The following PCBP3 variants were observed in gnomAD, a reference collection of about 807,000 sequenced individuals.
PCBP3 encodes poly(rC)-binding protein 3.
In PCBP3, 25 loss-of-function variants were observed where a neutral mutation model predicts 52.7. The observed-to-expected ratio is 0.47, with a 90% CI of 0.35 to 0.66. PCBP3 has a LOEUF of 0.66. Among genes scored for constraint, PCBP3 ranks in the 30% least tolerant of loss-of-function variants. PCBP3 has a pLI of 0.01. For missense variants in PCBP3, 391 were observed against 490.3 expected (o/e 0.80, Z 1.91); for synonymous variants, 162 against 183.0 (o/e 0.89, Z 0.93).
chr21:45,907,997 AG>A (rs1177133879), intron 9 of PCBP3, among the ~76,000 whole-genome samples: 3 of 152,254 alleles, frequency 2.0e-5, no homozygotes, highest in African/African-American at 7.2e-5. Flanking sequence ...TTTTTAAATG[AG>A]AAGTTCATTT....
intron 2 of PCBP3, among the ~76,000 whole-genome samples, chr21:45,689,285 G>T (rs887997490): frequency 2.6e-5 from 4 of 151,978 alleles, no homozygotes; most frequent in African/African-American, 9.7e-5. Flanking sequence ...GGAATGCAAG[G>T]TTGGTTTAAC....
chr21:45,696,079 CAAAAAAAAAAAAAAAA>C (rs71185164), intron 2 of PCBP3, among the ~76,000 whole-genome samples: 1 of 39,638 alleles, frequency 2.5e-5, no homozygotes, highest in Non-Finnish European at 4.6e-5. Flanking sequence ...GACTCTGTCT[CAAAAAAAAAAAAAAAA>C]AAAAAAAAAA....
At chr21:45,922,533 C>T (rs141957322) in intron 13 of PCBP3, among the ~76,000 whole-genome samples, 4,106 of 152,222 alleles carry the variant, frequency 0.027, 86 homozygotes, top group Non-Finnish European at 0.042. Context: ...CCAGCCTGGG[C>T]GACAGAGCAA....
At chr21:45,890,165 G>C (rs2148908723) in intron 5 of PCBP3, among the ~76,000 whole-genome samples, 1 of 152,356 alleles carries the variant, frequency 6.6e-6, no homozygotes, top group Middle Eastern at 3.4e-3. Flanking sequence ...AGGTCATGAG[G>C]CCAGCATGAG....
rs10679763 is a variant in PCBP3 at position 45,826,258 on chromosome 21, CA to C, written c.-125-23688del. Among the ~76,000 whole-genome samples, 930 of 129,736 alleles carry C rather than the reference CA, an allele frequency of 7.2e-3. 5 individuals carry two copies. Among genetic ancestry groups the C allele is most frequent in the African/African-American group, 0.019 (674 of 35,328 alleles). The allele number at this position is 129,736 out of a possible 152,430, so 85.1% of individuals were successfully genotyped here. A position where few individuals can be genotyped will look rare whatever the true frequency, so the allele number is the denominator to read the frequency against. On this transcript the variant is annotated intron_variant, in intron 4 of 17. Transcript: ENST00000681687. ...GGGCAACAAGAGTGAAACTCTGTCT[CA>C]AAAAAAAAAAAAAATTAAATTAAAT...
At position 45,800,398 on chromosome 21, in the gene PCBP3, G is replaced by A. The variant is rs1223109130; in HGVS notation, c.-126+44946G>A. Among the ~76,000 whole-genome samples, 1 of 152,192 alleles carries A rather than the reference G, an allele frequency of 6.6e-6. No homozygotes were observed. Among genetic ancestry groups the A allele is most frequent in the Non-Finnish European group, 1.5e-5 (1 of 68,034 alleles). On this transcript the variant is annotated intron_variant, in intron 4 of 17. Transcript: ENST00000681687. This position sits in a 1 kb window ranked among gnomAD's most constrained non-coding sequence, Gnocchi z 5.3. The stretch of plus-strand genomic sequence containing the variant: ...TGTCGCCTTTGTAGACAAAGGAAGA[G>A]ACCTTGGAACCTGAGGGTAAATGGA...
intron 5 of PCBP3, among the ~76,000 whole-genome samples, chr21:45,860,769 G>T (rs1212616742): frequency 6.6e-6 from 1 of 152,246 alleles, no homozygotes; most frequent in East Asian, 1.9e-4. Context: ...ACGTGATGCA[G>T]CTGTGCCCCT....
At chr21:45,934,411 G>A (rs1437381608) in intron 15 of PCBP3, among the ~76,000 whole-genome samples, 2 of 152,234 alleles carry the variant, frequency 1.3e-5, no homozygotes, top group Non-Finnish European at 2.9e-5. Context: ...TCATGGACTT[G>A]AACTCTGAGA....
intron 4 of PCBP3, among the ~76,000 whole-genome samples, chr21:45,841,720 C>T (rs2093703038): frequency 6.6e-6 from 1 of 152,158 alleles, no homozygotes; most frequent in Non-Finnish European, 1.5e-5. Context: ...AAATAAGAGT[C>T]TTCCTGGACT....
intron 13 of PCBP3, 122 bp from the exon 14 acceptor site, chr21:45,929,795 A>G (rs1357851600): frequency 1.4e-6 from 1 of 736,064 alleles, no homozygotes; most frequent in East Asian, 2.6e-5. Context: ...TGCATCTGCC[A>G]TGTGTCCGCA....
intron 17 of PCBP3, among the ~76,000 whole-genome samples, chr21:45,941,031 C>T (rs764908440): frequency 3.3e-5 from 5 of 152,214 alleles, no homozygotes; most frequent in Non-Finnish European, 5.9e-5. Context: ...CTTACCTGCA[C>T]GCCCAGTGAG....
chr21:45,646,075 C>CTCTCTCTCTT (rs1555895703), intron 1 of PCBP3, among the ~76,000 whole-genome samples: 8 of 111,358 alleles, frequency 7.2e-5, no homozygotes, highest in Non-Finnish European at 1.5e-4. Context: ...CTCTCTCTCT[C>CTCTCTCTCTT]TCTCTCTTTC....
chr21:45,754,425 C>T (rs771673496), intron 3 of PCBP3, among the ~76,000 whole-genome samples: 10 of 152,112 alleles, frequency 6.6e-5, no homozygotes, highest in Non-Finnish European at 1.5e-4. Flanking sequence ...TCTTTTGCTT[C>T]GGTTGTTTAA....
rs577372016 is a variant in PCBP3 at position 45,884,151 on chromosome 21, G to A, written c.11-12057G>A. On this transcript the variant is annotated intron_variant, in intron 5 of 17. Coordinates refer to ENST00000681687, the MANE Select transcript of PCBP3 (RefSeq NM_001384156.1). ...AGGTATTCCTGTGTTGCCCAGGCTG[G>A]CCTTGAACTCCTGGGCTCAAGTGAT... is the stretch of plus-strand genomic sequence containing the variant. Among the ~76,000 whole-genome samples the A allele has an allele frequency of 2.6e-5, 4 of 152,064 alleles. No homozygotes were observed. The South Asian group carries it at 8.3e-4, about 32-fold the overall frequency.
chr21:45,687,751 A>G (rs1393916319), intron 2 of PCBP3, among the ~76,000 whole-genome samples: 2 of 150,964 alleles, frequency 1.3e-5, no homozygotes, highest in Non-Finnish European at 3.0e-5. Context: ...TTTTTTTGAG[A>G]TGGAGTCTCG....
At chr21:45,913,425 C>G (rs2096441339) in intron 11 of PCBP3, among the ~76,000 whole-genome samples, 1 of 152,200 alleles carries the variant, frequency 6.6e-6, no homozygotes. Flanking sequence ...GCTCAACTTT[C>G]TCCAGAACAT....
chr21:45,815,838 GGTGAGTGATGA>G (rs1294206870), intron 4 of PCBP3, among the ~76,000 whole-genome samples: 1 of 123,988 alleles, frequency 8.1e-6, no homozygotes, highest in Non-Finnish European at 1.7e-5. Context: ...GTGAGTGAGT[GGTGAGTGATGA>G]GTGAGTGGTG....
intron 4 of PCBP3, among the ~76,000 whole-genome samples, chr21:45,797,470 G>C (rs79804965): frequency 5.6e-4 from 11 of 19,578 alleles, no homozygotes; most frequent in East Asian, 1.2e-3. Context: ...ATGGATAGAC[G>C]AGTGCATGGA....
intron 1 of PCBP3, among the ~76,000 whole-genome samples, chr21:45,652,642 C>T (rs1446503359): frequency 2.0e-5 from 3 of 152,028 alleles, no homozygotes; most frequent in Non-Finnish European, 4.4e-5. Context: ...GGGGTTTCAC[C>T]ATGTTGGCCA....
Sources: allele counts gnomAD v4.1 joint callset (sites outside exome capture counted in the v4.1 genomes callset), GRCh38; gene constraint gnomAD v4.1.1; non-coding constraint Gnocchi (gnomAD v3.1); transcripts MANE v1.5; gene names NCBI Gene and HGNC (gene_info 2026-07-23, HGNC 2026-07-21).